NKAIN3: variants seen among roughly 807,000 people sequenced by gnomAD.
NKAIN3 encodes sodium/potassium-transporting ATPase subunit beta-1-interacting protein 3.
NKAIN3 carries 25 observed loss-of-function variants against 30.2 expected under a neutral mutation model. The ratio of observed to expected loss-of-function variants is 0.83; its 90% CI spans 0.60 to 1.16. NKAIN3 has a LOEUF of 1.16. NKAIN3 is among the 50% of genes most tolerant of loss of function. The probability of loss-of-function intolerance (pLI) is 0.00; values close to 1 mark genes in which losing one functional copy is unlikely to be tolerated. For synonymous variants in NKAIN3, 91 were observed against 89.6 expected, an observed-to-expected ratio of 1.02 and a Z score of -0.09; for missense variants, 225 against 254.1, an observed-to-expected ratio of 0.89 and a Z score of 0.78.
chr8:62,930,837 G>A (rs1191468939), intron 5 of NKAIN3, among the ~76,000 whole-genome samples: 2 of 151,754 alleles, frequency 1.3e-5, no homozygotes, highest in African/African-American at 2.4e-5. Flanking sequence ...CCGAGTAGCT[G>A]GGACTGCAGG....
At chr8:62,751,306 T>TTTGTTAAG (rs1296898541) in intron 4 of NKAIN3, among the ~76,000 whole-genome samples, 1 of 152,192 alleles carries the variant, frequency 6.6e-6, no homozygotes, top group Non-Finnish European at 1.5e-5. Context: ...TTAATTTAAT[T>TTTGTTAAG]TTGTTAAGTA....
At chr8:62,618,643 C>T (rs1018830659) in intron 3 of NKAIN3, among the ~76,000 whole-genome samples, 5 of 152,038 alleles carry the variant, frequency 3.3e-5, no homozygotes, top group African/African-American at 4.8e-5. Flanking sequence ...CTGTGGCTAA[C>T]GCCTGTAATC....
At chr8:62,816,085 T>G (rs1818669091) in intron 4 of NKAIN3, among the ~76,000 whole-genome samples, 1 of 152,172 alleles carries the variant, frequency 6.6e-6, no homozygotes, top group Non-Finnish European at 1.5e-5. Context: ...GAGTGTCATG[T>G]TTCCTTGCTT....
At chr8:62,696,638 T>G (rs772609314) in intron 3 of NKAIN3, among the ~76,000 whole-genome samples, 12 of 151,352 alleles carry the variant, frequency 7.9e-5, no homozygotes, top group Non-Finnish European at 1.6e-4. Context: ...GATTCTACAT[T>G]TAGTTCTCTT....
intron 1 of NKAIN3, among the ~76,000 whole-genome samples, chr8:62,392,978 C>T (rs1166937376): frequency 1.3e-5 from 2 of 151,962 alleles, no homozygotes; most frequent in Non-Finnish European, 2.9e-5. Context: ...GGTTTATTGG[C>T]ATGAAAGTTT....
chr8:62,684,425 G>A (rs1013580009), intron 3 of NKAIN3, among the ~76,000 whole-genome samples: 11 of 152,196 alleles, frequency 7.2e-5, no homozygotes, highest in African/African-American at 2.7e-4. Context: ...TGACAAAGCG[G>A]TATCTCTTCC....
rs192445234 is a variant in NKAIN3, at chr8:62,634,680, G to A, written c.273+44886G>A. On this transcript the variant is annotated intron_variant, in intron 3 of 6. Transcript: ENST00000623646. The stretch of plus-strand genomic sequence containing the variant: ...CTCTGCAGGGACAGCTAGGAGAGGA[G>A]AGACAGAGATGGAAAGGAGCAAAGT... Among the ~76,000 whole-genome samples, 503 of 152,318 alleles carry A rather than the reference G, an allele frequency of 3.3e-3. 6 individuals are homozygous for A. Among genetic ancestry groups the A allele is most frequent in the Non-Finnish European group, 4.7e-3 (317 of 68,020 alleles).
At chr8:62,513,740 G>A (rs767033963) in intron 1 of NKAIN3, among the ~76,000 whole-genome samples, 6 of 151,214 alleles carry the variant, frequency 4.0e-5, no homozygotes, top group Non-Finnish European at 5.9e-5. Context: ...GTGTGGTGGC[G>A]CACACATGTA....
At chr8:62,624,061 C>T (rs1211857482) in intron 3 of NKAIN3, among the ~76,000 whole-genome samples, 1 of 152,026 alleles carries the variant, frequency 6.6e-6, no homozygotes, top group Non-Finnish European at 1.5e-5. Context: ...TGTAAACTGT[C>T]ATGGTGCTGG....
At chr8:62,627,046 C>T (rs1392862319) in intron 3 of NKAIN3, among the ~76,000 whole-genome samples, 1 of 152,170 alleles carries the variant, frequency 6.6e-6, no homozygotes, top group East Asian at 1.9e-4. Context: ...AAGTTATCTT[C>T]CTCAAGAAAA....
intron 4 of NKAIN3, among the ~76,000 whole-genome samples, chr8:62,829,294 C>A (rs1240897359): frequency 1.3e-5 from 2 of 152,096 alleles, no homozygotes; most frequent in East Asian, 3.9e-4. Context: ...AATTGGGGAT[C>A]CAGAAACTCA....
intron 4 of NKAIN3, among the ~76,000 whole-genome samples, chr8:62,842,555 A>T (rs1819565872): frequency 6.6e-6 from 1 of 152,132 alleles, no homozygotes. Context: ...TAACCAAAGT[A>T]ATCTTGAGCA....
chr8:62,819,382 T>C (rs1818785568), intron 4 of NKAIN3, among the ~76,000 whole-genome samples: 1 of 151,940 alleles, frequency 6.6e-6, no homozygotes, highest in Non-Finnish European at 1.5e-5. Flanking sequence ...TGGAAATTCA[T>C]TAACACTGTT....
At chr8:62,621,643 C>G (rs186671566) in intron 3 of NKAIN3, among the ~76,000 whole-genome samples, 2 of 152,136 alleles carry the variant, frequency 1.3e-5, no homozygotes, top group Admixed American at 1.3e-4. Flanking sequence ...ATTGTAAATT[C>G]ACATGCAGTT....
At chr8:62,460,165 C>T (rs1805946239) in intron 1 of NKAIN3, among the ~76,000 whole-genome samples, 1 of 138,788 alleles carries the variant, frequency 7.2e-6, no homozygotes, top group East Asian at 2.0e-4. Flanking sequence ...ACAATCCCAG[C>T]ACTTTGGGAG....
intron 1 of NKAIN3, among the ~76,000 whole-genome samples, chr8:62,525,132 A>G (rs1363525623): frequency 1.3e-5 from 2 of 151,836 alleles, no homozygotes; most frequent in Admixed American, 6.6e-5. Context: ...CTACACTCAG[A>G]TTAGTTTTAA....
At chr8:62,394,247 T>A (rs184635407) in intron 1 of NKAIN3, among the ~76,000 whole-genome samples, 50 of 141,632 alleles carry the variant, frequency 3.5e-4, no homozygotes, top group African/African-American at 1.5e-3. Flanking sequence ...TCTCATTACA[T>A]TTTTTTTTAA....
intron 1 of NKAIN3, among the ~76,000 whole-genome samples, chr8:62,309,562 G>C (rs1302689136): frequency 4.0e-5 from 6 of 150,174 alleles, no homozygotes; most frequent in Non-Finnish European, 8.8e-5. Flanking sequence ...TAATAGACTT[G>C]GTTGCAACAT....
intron 5 of NKAIN3, among the ~76,000 whole-genome samples, chr8:62,944,321 T>G (rs948488649): frequency 6.6e-6 from 1 of 152,170 alleles, no homozygotes; most frequent in Non-Finnish European, 1.5e-5. Context: ...AAAAAAGTCT[T>G]GATATCTGGT....
Sources: allele counts gnomAD v4.1 joint callset (sites outside exome capture counted in the v4.1 genomes callset), GRCh38; gene constraint gnomAD v4.1.1; transcripts MANE v1.5; gene names NCBI Gene and HGNC (gene_info 2026-07-23, HGNC 2026-07-21).